LSM14B: variants seen among roughly 807,000 people sequenced by gnomAD.
LSM14B encodes LSM family member 14B.
LSM14B carries 8 observed loss-of-function variants against 42.1 expected under a neutral mutation model. The ratio of observed to expected loss-of-function variants is 0.19; its 90% CI spans 0.11 to 0.34. The LOEUF (loss-of-function observed/expected upper bound fraction) is 0.34. Ranked by LOEUF, LSM14B falls within the 10% of genes least tolerant of loss-of-function variation. The probability of loss-of-function intolerance (pLI) is 1.00; values close to 1 mark genes in which losing one functional copy is unlikely to be tolerated. For missense variants in LSM14B, 396 were observed against 513.1 expected, an observed-to-expected ratio of 0.77 and a Z score of 2.21; for synonymous variants, 219 against 209.7, an observed-to-expected ratio of 1.04 and a Z score of -0.38.
chr20:62,127,998 C>G, intron 3 of LSM14B: 1 of 613,510 alleles, frequency 1.6e-6, no homozygotes, highest in Non-Finnish European at 2.9e-6. Context: ...AAGTCATTTC[C>G]CTGGGGTTTT....
chr20:62,134,424 G>A lies in LSM14B; in HGVS notation c.*276G>A. 3 of 334,520 alleles carry A rather than the reference G, an allele frequency of 9.0e-6. No individual in the cohort carries two copies. The highest frequency in any genetic ancestry group is 1.8e-5 in the Non-Finnish European group (3 of 163,486). The allele number at this position is 334,520 out of a possible 1,614,324, so 20.7% of individuals were successfully genotyped here. A position where few individuals can be genotyped will look rare whatever the true frequency, so the allele number is the denominator to read the frequency against. ...CGCATAGCCTAATTCTAAGGTTTTGGTATTTTGCAAAAAGGTTTCTATAGT... is the reference window on the plus strand; with the variant it reads ...CGCATAGCCTAATTCTAAGGTTTTGATATTTTGCAAAAAGGTTTCTATAGT... On this transcript the variant is annotated 3_prime_UTR_variant, in exon 9 of 9. Transcript: ENST00000279068.
At chr20:62,132,230 A>G (rs2056788747) in intron 7 of LSM14B, among the ~76,000 whole-genome samples, 1 of 152,248 alleles carries the variant, frequency 6.6e-6, no homozygotes, top group Non-Finnish European at 1.5e-5. Context: ...GTGGATGATC[A>G]GTTCTCACAG....
At chr20:62,129,728 T>TA in intron 3 of LSM14B, 57 bp from the exon 4 acceptor site, 1 of 1,497,836 alleles carries the variant, frequency 6.7e-7, no homozygotes, top group Non-Finnish European at 9.0e-7. Context: ...TGCCTGGAGA[T>TA]ATAAGGCTTG....
intron 3 of LSM14B, among the ~76,000 whole-genome samples, chr20:62,129,519 C>T (rs2056702305): frequency 6.6e-6 from 1 of 152,096 alleles, no homozygotes; most frequent in East Asian, 1.9e-4. Flanking sequence ...GGTTCCCTAA[C>T]TTGGGAAGCT....
chr20:62,124,309 A>G (rs1433430557), intron 1 of LSM14B, among the ~76,000 whole-genome samples: 1 of 152,258 alleles, frequency 6.6e-6, no homozygotes, highest in Admixed American at 6.5e-5. Context: ...TTACGAAGCA[A>G]GCCTTGTTTT....
At chr20:62,133,704 G>T (rs1282468919) in intron 8 of LSM14B, among the ~76,000 whole-genome samples, 1 of 152,254 alleles carries the variant, frequency 6.6e-6, no homozygotes, top group Non-Finnish European at 1.5e-5. Context: ...CTCCAAGTGA[G>T]ATTGCAGGTA....
chr20:62,131,212 A>G (rs1271793368), intron 6 of LSM14B, 144 bp from the exon 7 acceptor site: 7 of 971,554 alleles, frequency 7.2e-6, no homozygotes, highest in South Asian at 1.7e-5. Context: ...TAGAAGGTAG[A>G]AGAAGAGATT....
At position 62,122,981 on chromosome 20, in the gene LSM14B, T is replaced by G. The variant is rs971265170; in HGVS notation, c.127+188T>G. Among the ~76,000 whole-genome samples, 3 of 150,796 alleles carry G rather than the reference T, an allele frequency of 2.0e-5. No individual in the cohort carries two copies. Among genetic ancestry groups the G allele is most frequent in the Non-Finnish European group, 4.4e-5 (3 of 67,574 alleles). On this transcript the variant is annotated intron_variant, in intron 1 of 8. Transcript: ENST00000279068. This position sits in a 1 kb window ranked among gnomAD's most constrained non-coding sequence, Gnocchi z 4.6. ...CCCGGACGCCCCCGAGGCGCCCCCT[T>G]CCCGCGCGCCACCCTCCCCCAGCGT...
At position 62,130,339 on chromosome 20, in the gene LSM14B, C is replaced by T; in HGVS notation, c.673+43C>T. The stretch of plus-strand genomic sequence containing the variant: ...TTGATTTCTGGGGACCACGAGTGAT[C>T]AGGCTGAGCTCTGCTTGCCCTCCTG... On this transcript the variant is annotated intron_variant, in intron 5 of 8. Transcript: ENST00000279068. The surrounding 1 kb of genome is among the most constrained non-coding windows in gnomAD (Gnocchi z 4.1). The T allele has an allele frequency of 1.9e-6, 3 of 1,559,290 alleles. No individual in the cohort carries two copies. Among genetic ancestry groups the T allele is most frequent in the South Asian group, 1.2e-5 (1 of 84,760 alleles).
At position 62,130,017 on chromosome 20, in the gene LSM14B, G is replaced by C; in HGVS notation, c.595+65G>C. ...CTAAAAGTGGCACACTACTTCCTGGGCTATTTTTTTTTTTTTAATTAAAAA... is the reference window on the plus strand; with the variant it reads ...CTAAAAGTGGCACACTACTTCCTGGCCTATTTTTTTTTTTTTAATTAAAAA... On this transcript the variant is annotated intron_variant, in intron 4 of 8. Coordinates refer to ENST00000279068, the MANE Select transcript of LSM14B (RefSeq NM_144703.3). The surrounding 1 kb of genome is among the most constrained non-coding windows in gnomAD (Gnocchi z 4.1). 1 of 1,474,242 alleles carries C rather than the reference G, an allele frequency of 6.8e-7. No homozygotes were observed. The highest frequency in any genetic ancestry group is 9.0e-7 in the Non-Finnish European group (1 of 1,109,150). The allele number at this position is 1,474,242 out of a possible 1,614,324, so 91.3% of individuals were successfully genotyped here. A position where few individuals can be genotyped will look rare whatever the true frequency, so the allele number is the denominator to read the frequency against.
At chr20:62,125,104 C>G (rs1161481234) in intron 2 of LSM14B, among the ~76,000 whole-genome samples, 1 of 152,184 alleles carries the variant, frequency 6.6e-6, no homozygotes, top group Non-Finnish European at 1.5e-5. Flanking sequence ...TGGTCTCAAT[C>G]TCTTGACCTT....
At chr20:62,128,825 A>T (rs1201715201) in intron 3 of LSM14B, 43 of 670,758 alleles carry the variant, frequency 6.4e-5, no homozygotes, top group Non-Finnish European at 7.6e-5. Context: ...TCTACAGTCA[A>T]TTTTTTTTTT....
intron 3 of LSM14B, 29 bp from the exon 4 acceptor site, chr20:62,129,756 T>C (rs755602053): frequency 1.5e-5 from 24 of 1,577,434 alleles, no homozygotes; most frequent in African/African-American, 4.1e-5. Flanking sequence ...TCTCTCTGTT[T>C]TTAAACCCTC....
chr20:62,125,389 C>T (rs7272127), intron 2 of LSM14B, among the ~76,000 whole-genome samples: 3,601 of 152,270 alleles, frequency 0.024, 63 homozygotes, highest in African/African-American at 0.045. Context: ...TGTGATGTTT[C>T]GGGCATAGCG....
chr20:62,122,483 G>T lies in LSM14B; in HGVS notation c.-184G>T, dbSNP rs2056427748. The stretch of plus-strand genomic sequence containing the variant: ...GCTCCTCTCAGAGCCCCAGTCGCGC[G>T]CCCCTTCTTGGTTCGCTCGGTGCCC... On this transcript the variant is annotated 5_prime_UTR_variant, in exon 1 of 9. Coordinates refer to ENST00000279068, the MANE Select transcript of LSM14B (RefSeq NM_144703.3). The surrounding 1 kb of genome is among the most constrained non-coding windows in gnomAD (Gnocchi z 4.6). The T allele has an allele frequency of 4.1e-6, 1 of 241,330 alleles. No homozygotes were observed. Among genetic ancestry groups the T allele is most frequent in the Non-Finnish European group, 6.7e-6 (1 of 149,888 alleles). The allele number at this position is 241,330 out of a possible 1,614,324, so 14.9% of individuals were successfully genotyped here.
At position 62,130,323 on chromosome 20, in the gene LSM14B, G is replaced by T; in HGVS notation, c.673+27G>T. 6.4e-7 allele frequency: 1 copy of T among 1,570,480 alleles called. No individual in the cohort carries two copies. The highest frequency in any genetic ancestry group is 1.2e-5 in the South Asian group (1 of 85,490). ...TAACACCTGTTGCCACTTGATTTCT[G>T]GGGACCACGAGTGATCAGGCTGAGC... On this transcript the variant is annotated intron_variant, in intron 5 of 8. Coordinates refer to ENST00000279068, the MANE Select transcript of LSM14B (RefSeq NM_144703.3). The surrounding 1 kb of genome is among the most constrained non-coding windows in gnomAD (Gnocchi z 4.1).
chr20:62,130,317 A>G lies in LSM14B; in HGVS notation c.673+21A>G, dbSNP rs748573174. The G allele has an allele frequency of 6.3e-7, 1 of 1,574,962 alleles. No homozygotes were observed. Among genetic ancestry groups the G allele is most frequent in the Non-Finnish European group, 8.6e-7 (1 of 1,160,240 alleles). On this transcript the variant is annotated intron_variant, in intron 5 of 8. Coordinates refer to ENST00000279068, the MANE Select transcript of LSM14B (RefSeq NM_144703.3). The surrounding 1 kb of genome is among the most constrained non-coding windows in gnomAD (Gnocchi z 4.1). Reference sequence around the variant, plus strand: ...ATCAGGTAACACCTGTTGCCACTTGATTTCTGGGGACCACGAGTGATCAGG... The same window carrying G: ...ATCAGGTAACACCTGTTGCCACTTGGTTTCTGGGGACCACGAGTGATCAGG...
chr20:62,127,819 G>A lies in LSM14B; in HGVS notation c.427+1380G>A, dbSNP rs914258796. 6.4e-6 allele frequency: 5 copies of A among 778,440 alleles called. 1 individual carries two copies. In the South Asian group the frequency reaches 7.3e-5, roughly 11 times the overall value. The allele number at this position is 778,440 out of a possible 1,614,324, so 48.2% of individuals were successfully genotyped here. A position where few individuals can be genotyped will look rare whatever the true frequency, so the allele number is the denominator to read the frequency against. ...GATCATTTGCCAAGCCCATGCAGCC[G>A]CTGAGCTGCTTGTTTTGCTTCAGCA... On this transcript the variant is annotated intron_variant, in intron 3 of 8. Transcript: ENST00000279068.
At position 62,131,369 on chromosome 20, in the gene LSM14B, G is replaced by A; in HGVS notation, c.849G>A (p.Glu283=). The change falls in exon 7 of 9, where the codon GAG becomes GAA. Residue 283 remains glutamate (E), a synonymous_variant. Coordinates refer to ENST00000279068, the MANE Select transcript of LSM14B (RefSeq NM_144703.3). ...KKLNFKDDKA[E]KGEEKDLAVV... ...TTCTTTTTGTAGATGACAAGGCTGA[G>A]AAGGGGGAAGAGAAGGACCTGGCTG... The A allele has an allele frequency of 6.2e-7, 1 of 1,602,286 alleles. No homozygotes were observed. The highest frequency in any genetic ancestry group is 8.5e-7 in the Non-Finnish European group (1 of 1,173,910).
Sources: gnomAD v4.1 joint callset for allele counts (sites outside exome capture counted in the v4.1 genomes callset) on GRCh38, gnomAD v4.1.1 for gene constraint, Gnocchi (gnomAD v3.1) non-coding constraint, MANE v1.5 for transcripts, NCBI Gene and HGNC (gene_info 2026-07-23, HGNC 2026-07-21) for gene names.